Variants in SLC36A2 observed in about 807,000 individuals in gnomAD.
SLC36A2 encodes proton-coupled amino acid transporter 2.
SLC36A2 carries 39 observed loss-of-function variants against 42.7 expected under a neutral mutation model. The observed-to-expected ratio is 0.91, with a 90% confidence interval of 0.71 to 1.19. The LOEUF is 1.19. Ranked by LOEUF, SLC36A2 falls within the 50% of genes most tolerant of loss-of-function variation. The pLI is 0.00. For missense variants in SLC36A2, 590 were observed against 613.7 expected (o/e 0.96, Z 0.41); for synonymous variants, 237 against 240.8 (o/e 0.98, Z 0.15).
Position 151,317,053 on chromosome 5 carries a change from C to A in SLC36A2, c.1216G>T (p.Val406Phe), listed in dbSNP as rs753863241. Residue 406 changes from valine (V) to phenylalanine (F), a missense_variant, in exon 10 of 10, where the codon GTC becomes TTC. Val to Phe is a conservative substitution (Grantham distance 50). Coordinates refer to ENST00000335244, the MANE Select transcript of SLC36A2 (RefSeq NM_181776.3). ...CTCACGGAGCCCACCAGGGAGATGA[C>A]CAGGTCCAGGCGGGGGATGAGGATG... ...LAILIPRLDL[V>F]ISLVGSVSGT... The A allele has an allele frequency of 1.2e-6, 2 of 1,614,000 alleles. No individual in the cohort carries two copies. Among genetic ancestry groups the A allele is most frequent in the Non-Finnish European group, 1.7e-6 (2 of 1,180,016 alleles).
At chr5:151,333,723 G>T (rs575694476) in intron 6 of SLC36A2, among the ~76,000 whole-genome samples, 1 of 152,172 alleles carries the variant, frequency 6.6e-6, no homozygotes, top group African/African-American at 2.4e-5. Flanking sequence ...TTAGCCGGGC[G>T]TGGTGGTGGG....
intron 7 of SLC36A2, among the ~76,000 whole-genome samples, chr5:151,326,525 C>T (rs999258124): frequency 1.3e-5 from 2 of 152,222 alleles, no homozygotes; most frequent in Non-Finnish European, 2.9e-5. Flanking sequence ...CAGGTTCTCA[C>T]TCTTCTGTTC....
intron 7 of SLC36A2, among the ~76,000 whole-genome samples, chr5:151,327,752 T>C (rs1350633297): frequency 2.6e-5 from 4 of 151,100 alleles, no homozygotes; most frequent in East Asian, 3.9e-4. Context: ...CTTCCTTTCT[T>C]TCTCTCTCTC....
At chr5:151,335,135 C>T (rs978752655) in intron 6 of SLC36A2, among the ~76,000 whole-genome samples, 194 bp downstream of exon 6, 1 of 152,092 alleles carries the variant, frequency 6.6e-6, no homozygotes, top group African/African-American at 2.4e-5. Flanking sequence ...GGAGAAAGAA[C>T]ATGAACAAGG....
rs151020415 is a variant in SLC36A2, at chr5:151,344,921, G to A, written c.165-654C>T. ...AACAGGTCGGATGACTGGGTCCCCAGATGAGGTCTGGCGGGGCATAACCAT... is the reference window on the plus strand; with the variant it reads ...AACAGGTCGGATGACTGGGTCCCCAAATGAGGTCTGGCGGGGCATAACCAT... On this transcript the variant is annotated intron_variant, in intron 1 of 9. Transcript: ENST00000335244. Among the ~76,000 whole-genome samples the A allele has an allele frequency of 6.8e-4, 103 of 152,292 alleles. No homozygotes were observed. The South Asian group carries it at 8.7e-3, about 13-fold the overall frequency.
At chr5:151,317,162 CTCT>C in intron 9 of SLC36A2, 74 bp from the exon 10 acceptor site, 6 of 1,556,412 alleles carry the variant, frequency 3.9e-6, no homozygotes, top group Non-Finnish European at 5.2e-6. Context: ...TCTTAAAGTC[CTCT>C]TCTTGGCCAG....
intron 9 of SLC36A2, 186 bp downstream of exon 9, chr5:151,321,860 T>C: frequency 1.6e-6 from 1 of 630,280 alleles, no homozygotes; most frequent in African/African-American, 1.8e-5. Flanking sequence ...GTATTTTTAG[T>C]AGAGACAGGG....
At position 151,343,388 on chromosome 5, in the gene SLC36A2, C is replaced by G. The variant is rs192327615; in HGVS notation, c.344+122G>C. On this transcript the variant is annotated intron_variant, in intron 3 of 9. Coordinates refer to ENST00000335244, the MANE Select transcript of SLC36A2 (RefSeq NM_181776.3). ...GCTCCCTGCCCCTGAATGCTCTTCA[C>G]TCTTTCTTGGCCTTATTGGAGAAAA... is the stretch of plus-strand genomic sequence containing the variant. 4,005 of 1,039,948 alleles carry G rather than the reference C, an allele frequency of 3.9e-3. 28 individuals carry two copies. The highest frequency in any genetic ancestry group is 5.7e-3 in the South Asian group (443 of 77,196). 64.4% of individuals were successfully genotyped at this position (1,039,948 alleles called of 1,614,324 possible).
chr5:151,333,780 T>C (rs1199107490), intron 6 of SLC36A2, among the ~76,000 whole-genome samples: 3 of 152,052 alleles, frequency 2.0e-5, no homozygotes, highest in African/African-American at 4.8e-5. Flanking sequence ...GAGAATGGTG[T>C]GAACCCAAGA....
intron 6 of SLC36A2, 73 bp from the exon 7 acceptor site, chr5:151,333,395 C>G: frequency 7.8e-6 from 10 of 1,280,004 alleles, no homozygotes; most frequent in Non-Finnish European, 1.1e-5. Context: ...GAAGGGTACT[C>G]TGAAATGAGA....
At chr5:151,344,870 C>G (rs1756449949) in intron 1 of SLC36A2, among the ~76,000 whole-genome samples, 1 of 152,004 alleles carries the variant, frequency 6.6e-6, no homozygotes, top group Non-Finnish European at 1.5e-5. Context: ...CAGGCAGAAA[C>G]AAAAAATCAT....
intron 5 of SLC36A2, among the ~76,000 whole-genome samples, chr5:151,336,310 T>G (rs1756153467): frequency 6.6e-6 from 1 of 152,152 alleles, no homozygotes. Flanking sequence ...GGGTAAAGAT[T>G]AATTCCGATA....
chr5:151,333,857 C>T (rs999233981), intron 6 of SLC36A2, among the ~76,000 whole-genome samples: 1 of 151,970 alleles, frequency 6.6e-6, no homozygotes, highest in African/African-American at 2.4e-5. Flanking sequence ...ACAAAACAAT[C>T]CTCCAAAAGA....
At position 151,339,313 on chromosome 5, in the gene SLC36A2, C is replaced by A. The variant is rs2431080; in HGVS notation, c.441-169G>T. On this transcript the variant is annotated intron_variant, in intron 4 of 9. Coordinates refer to ENST00000335244, the MANE Select transcript of SLC36A2 (RefSeq NM_181776.3). ...TGGGGCAAAGAAGTAAGGTAACAAT[C>A]GTTCTTTTTTTTTTTTTTTAGAAGG... Among the ~76,000 whole-genome samples, 98,439 of 151,008 alleles carry A rather than the reference C, an allele frequency of 0.65. 32,921 individuals carry two copies. The highest frequency in any genetic ancestry group is 0.98 in the East Asian group (5,067 of 5,164).
rs985886764 is a variant in SLC36A2 at position 151,320,062 on chromosome 5, A to G, written c.1180+1984T>C. 2.0e-5 allele frequency among the ~76,000 whole-genome samples: 3 copies of G among 152,192 alleles called. 1 individual carries two copies. Among genetic ancestry groups the G allele is most frequent in the Non-Finnish European group, 4.4e-5 (3 of 68,038 alleles). ...GCTGAAGTAACATATGTATCAGTGT[A>G]TCAATGTTGACTTTTTCTTTCTTTT... On this transcript the variant is annotated intron_variant, in intron 9 of 9. Transcript: ENST00000335244.
chr5:151,325,588 G>T, intron 7 of SLC36A2, 136 bp from the exon 8 acceptor site: 3 of 950,838 alleles, frequency 3.2e-6, no homozygotes, highest in Non-Finnish European at 4.9e-6. Flanking sequence ...TATGTTCACA[G>T]TAGTGCTATT....
intron 4 of SLC36A2, among the ~76,000 whole-genome samples, chr5:151,342,567 A>C (rs531834852): frequency 6.6e-6 from 1 of 152,334 alleles, no homozygotes; most frequent in Admixed American, 6.5e-5. Context: ...TTCTCACTGG[A>C]CTATGGGTTC....
chr5:151,331,710 A>AC (rs1756000771), intron 7 of SLC36A2, among the ~76,000 whole-genome samples: 1 of 152,090 alleles, frequency 6.6e-6, no homozygotes, highest in Non-Finnish European at 1.5e-5. Context: ...AAAATCAAAA[A>AC]CTTTTGTGCA....
At position 151,317,437 on chromosome 5, in the gene SLC36A2, G is replaced by C. The variant is rs572625269; in HGVS notation, c.1181-349C>G. 2.7e-5 allele frequency among the ~76,000 whole-genome samples: 4 copies of C among 148,870 alleles called. No homozygotes were observed. In the South Asian group the frequency reaches 8.5e-4, roughly 32 times the overall value. ...ACTGCACTCCAGCCTGGGTGACAAA[G>C]TGAGGTCCTATCTCATTAAAAAAAA... On this transcript the variant is annotated intron_variant, in intron 9 of 9. Coordinates refer to ENST00000335244, the MANE Select transcript of SLC36A2 (RefSeq NM_181776.3).
Sources: gnomAD v4.1 joint callset for allele counts (sites outside exome capture counted in the v4.1 genomes callset) on GRCh38, gnomAD v4.1.1 for gene constraint, MANE v1.5 for transcripts, NCBI Gene and HGNC (gene_info 2026-07-23, HGNC 2026-07-21) for gene names.